MUSTN1: variants seen among roughly 807,000 people sequenced by gnomAD.
MUSTN1 encodes musculoskeletal, embryonic nuclear protein 1.
MUSTN1 carries 14 observed loss-of-function variants against 11.8 expected under a neutral mutation model. The observed-to-expected ratio is 1.18, with a 90% CI of 0.78 to 1.85. The LOEUF (loss-of-function observed/expected upper bound fraction) is 1.85. Among genes scored for constraint, MUSTN1 ranks in the 40% most tolerant of loss-of-function variants. The pLI, the probability that MUSTN1 is intolerant of heterozygous loss-of-function variation, is 0.00. For missense variants in MUSTN1, 111 were observed against 108.8 expected (o/e 1.02, Z -0.09); for synonymous variants, 42 against 43.3 (o/e 0.97, Z 0.12).
chr3:52,834,666 A>ACACACACACACAGG, intron 1 of MUSTN1: 2 of 612,222 alleles, frequency 3.3e-6, no homozygotes, highest in South Asian at 1.9e-5. Flanking sequence ...ACACACACAC[A>ACACACACACACAGG]CACACACACA....
intron 1 of MUSTN1, chr3:52,834,695 T>G: frequency 1.7e-6 from 1 of 592,842 alleles, no homozygotes; most frequent in Non-Finnish European, 3.0e-6. Flanking sequence ...CAAAGATCTA[T>G]CTAGGCCCCC....
chr3:52,833,580 C>A lies in MUSTN1; in HGVS notation c.142+37G>T, dbSNP rs756695246. 1.9e-6 allele frequency: 3 copies of A among 1,605,574 alleles called. No individual in the cohort carries two copies. In the African/African-American group the frequency reaches 4.0e-5, roughly 21 times the overall value. On this transcript the variant is annotated intron_variant, in intron 2 of 2. Transcript: ENST00000446157. Reference sequence around the variant, plus strand: ...CCCCACCACTGACACACACCTGCACCCCCATCCCCAGCCCCAGATGGCATG... The same window carrying A: ...CCCCACCACTGACACACACCTGCACACCCATCCCCAGCCCCAGATGGCATG...
chr3:52,834,617 A>G, intron 1 of MUSTN1: 1 of 572,086 alleles, frequency 1.7e-6, no homozygotes, highest in East Asian at 2.9e-5. Flanking sequence ...ACAAAGCTCT[A>G]CACACTGAGC....
chr3:52,833,766 C>A lies in MUSTN1; in HGVS notation c.10-17G>T. 2 of 1,569,236 alleles carry A rather than the reference C, an allele frequency of 1.3e-6. No individual in the cohort carries two copies. The highest frequency in any genetic ancestry group is 1.7e-6 in the Non-Finnish European group (2 of 1,156,618). ...AGCACCAGCCTTGGAGATCCAAGAG[C>A]CTCATCTTACTACCTGAAGCCTCGG... On this transcript the variant is annotated splice_polypyrimidine_tract_variant and intron_variant, in intron 1 of 2. Coordinates refer to ENST00000446157, the MANE Select transcript of MUSTN1 (RefSeq NM_205853.4).
In MUSTN1 at chr3:52,833,159, C is replaced by G; in HGVS notation, c.*165G>C. On this transcript the variant is annotated 3_prime_UTR_variant, in exon 3 of 3. Coordinates refer to ENST00000446157, the MANE Select transcript of MUSTN1 (RefSeq NM_205853.4). Reference sequence around the variant, plus strand: ...GTGGGCATCCTCTTTATTGGTGCTTCCAAGGTGCTGGTGCAGAGCCCTTGG... The same window carrying G: ...GTGGGCATCCTCTTTATTGGTGCTTGCAAGGTGCTGGTGCAGAGCCCTTGG... 9.6e-7 allele frequency: 1 copy of G among 1,043,354 alleles called. No individual in the cohort carries two copies. 64.6% of individuals were successfully genotyped at this position (1,043,354 alleles called of 1,614,324 possible).
intron 1 of MUSTN1, chr3:52,834,659 C>CACACAA (rs751117008): frequency 4.3e-5 from 26 of 605,096 alleles, no homozygotes; most frequent in Non-Finnish European, 7.4e-5. Context: ...GATGCGCACA[C>CACACAA]ACACACACAC....
chr3:52,834,958 T>C lies in MUSTN1; in HGVS notation c.-10A>G. On this transcript the variant is annotated 5_prime_UTR_variant, in exon 1 of 3. Transcript: ENST00000446157. Reference sequence around the variant, plus strand: ...CTCCTACCTGGGACATGGTGGGTATTGTGTAAGCGCTGGGTCTCTGAAGGC... The same window carrying C: ...CTCCTACCTGGGACATGGTGGGTATCGTGTAAGCGCTGGGTCTCTGAAGGC... The C allele has an allele frequency of 1.9e-6, 3 of 1,613,444 alleles. No individual in the cohort carries two copies. Among genetic ancestry groups the C allele is most frequent in the South Asian group, 1.1e-5 (1 of 90,842 alleles).
rs71087024 is a variant in MUSTN1 at position 52,834,654 on chromosome 3, GCACA to G, written c.9+282_9+285del. The G allele has an allele frequency of 1.4e-5, 8 of 585,206 alleles. No homozygotes were observed. In the African/African-American group the frequency reaches 1.5e-4, roughly 11 times the overall value. The allele number at this position is 585,206 out of a possible 1,614,324, so 36.3% of individuals were successfully genotyped here. ...ATATCGGCAGCACACACACAGATGC[GCACA>G]CACACACACACACACACAGGCACAT... On this transcript the variant is annotated intron_variant, in intron 1 of 2. Transcript: ENST00000446157.
At chr3:52,833,877 CT>C (rs2106637367) in intron 1 of MUSTN1, 128 bp from the exon 2 acceptor site, 2 of 1,421,818 alleles carry the variant, frequency 1.4e-6, no homozygotes, top group East Asian at 5.0e-5. Flanking sequence ...CTCTACTCCT[CT>C]TCCAGAGAAA....
intron 1 of MUSTN1, among the ~76,000 whole-genome samples, chr3:52,834,138 G>A (rs1036810142): frequency 7.9e-5 from 12 of 152,180 alleles, no homozygotes; most frequent in Non-Finnish European, 1.6e-4. Context: ...GGTGGCAAGC[G>A]GTTCCTCAAG....
In MUSTN1 at chr3:52,833,717, C is replaced by T. The variant is rs1360516687; in HGVS notation, c.42G>A (p.Lys14=). 2 of 1,587,764 alleles carry T rather than the reference C, an allele frequency of 1.3e-6. No individual in the cohort carries two copies. Among genetic ancestry groups the T allele is most frequent in the Non-Finnish European group, 1.7e-6 (2 of 1,166,976 alleles). ...AGAQEAPIKK[K]RPPVKDEDLK... ...GGTCCTCGTCCTTCACAGGGGGGCG[C>T]TTCTTCTTGATAGGGGCTTCCTGAG... Residue 14 remains lysine (K), a synonymous_variant, in exon 2 of 3, where the codon AAG becomes AAA. Transcript: ENST00000446157.
In MUSTN1 at chr3:52,833,254, TAA is replaced by T. The variant is rs761627274; in HGVS notation, c.*68_*69del. ...GCAGGGGAGAGGAAGCGTTCTGGCA[TAA>T]AAAAGAGTTCCTGGGAAAGGCTCCT... On this transcript the variant is annotated 3_prime_UTR_variant, in exon 3 of 3. Transcript: ENST00000446157. 11 of 1,595,140 alleles carry T rather than the reference TAA, an allele frequency of 6.9e-6. No individual in the cohort carries two copies. Among genetic ancestry groups the T allele is most frequent in the Non-Finnish European group, 9.4e-6 (11 of 1,170,228 alleles).
In MUSTN1 at chr3:52,833,320, C is replaced by T. The variant is rs1700629495; in HGVS notation, c.*4G>A. ...CGGGCAGCAAGGGGAGTGGCGCACA[C>T]TTCTCAGCCGAAGACACTCTTGGTG... On this transcript the variant is annotated 3_prime_UTR_variant, in exon 3 of 3. Coordinates refer to ENST00000446157, the MANE Select transcript of MUSTN1 (RefSeq NM_205853.4). 6.2e-7 allele frequency: 1 copy of T among 1,613,718 alleles called. No homozygotes were observed. The highest frequency in any genetic ancestry group is 8.5e-7 in the Non-Finnish European group (1 of 1,179,852).
In MUSTN1 at chr3:52,833,296, G is replaced by C; in HGVS notation, c.*28C>G. 11 of 1,613,502 alleles carry C rather than the reference G, an allele frequency of 6.8e-6. No individual in the cohort carries two copies. The highest frequency in any genetic ancestry group is 9.3e-6 in the Non-Finnish European group (11 of 1,179,696). On this transcript the variant is annotated 3_prime_UTR_variant, in exon 3 of 3. Transcript: ENST00000446157. ...GAAAGGCTCCTGTTTCCGAGCATTC[G>C]GGCAGCAAGGGGAGTGGCGCACACT...
rs1002731925 is a variant in MUSTN1, at chr3:52,833,236, A to C, written c.*88T>G. 1.3e-6 allele frequency: 2 copies of C among 1,552,454 alleles called. No homozygotes were observed. The highest frequency in any genetic ancestry group is 2.4e-5 in the East Asian group (1 of 42,150). On this transcript the variant is annotated 3_prime_UTR_variant, in exon 3 of 3. Transcript: ENST00000446157. ...GTGGCAGCCCCAGAGACAGCAGGGG[A>C]GAGGAAGCGTTCTGGCATAAAAAAG...
chr3:52,833,508 G>A, intron 2 of MUSTN1, 78 bp from the exon 3 acceptor site: 6 of 1,587,560 alleles, frequency 3.8e-6, no homozygotes, highest in Non-Finnish European at 5.2e-6. Flanking sequence ...CACCTTTCTT[G>A]AACCCAGGAA....
At chr3:52,834,399 C>A (rs1294132520) in intron 1 of MUSTN1, among the ~76,000 whole-genome samples, 1 of 152,118 alleles carries the variant, frequency 6.6e-6, no homozygotes, top group Non-Finnish European at 1.5e-5. Flanking sequence ...TGCTTGGGTG[C>A]AGGTGCAGGT....
Position 52,833,411 on chromosome 3 carries a change from G to T in MUSTN1, c.162C>A (p.Ala54=). Reference sequence around the variant, plus strand: ...TGCGGGTGCGGCTGAACACCGACGGGGCGGCCGAGCCAGCTTGCTCTGTGG... The same window carrying T: ...TGCGGGTGCGGCTGAACACCGACGGTGCGGCCGAGCCAGCTTGCTCTGTGG... ...MRECEQAGSA[A]PSVFSRTRTG... The change falls in exon 3 of 3, where the codon GCC becomes GCA. Residue 54 remains alanine (A), a synonymous_variant. Coordinates refer to ENST00000446157, the MANE Select transcript of MUSTN1 (RefSeq NM_205853.4). 1 of 1,613,308 alleles carries T rather than the reference G, an allele frequency of 6.2e-7. No individual in the cohort carries two copies.
intron 1 of MUSTN1, among the ~76,000 whole-genome samples, 169 bp from the exon 2 acceptor site, chr3:52,833,918 G>A (rs1700645217): frequency 6.6e-6 from 1 of 152,166 alleles, no homozygotes; most frequent in African/African-American, 2.4e-5. Flanking sequence ...ACCTGCTGCA[G>A]GTCTCCCAGC....
Sources: gnomAD v4.1 joint callset for allele counts (sites outside exome capture counted in the v4.1 genomes callset) on GRCh38, gnomAD v4.1.1 for gene constraint, MANE v1.5 for transcripts, NCBI Gene and HGNC (gene_info 2026-07-23, HGNC 2026-07-21) for gene names.